ANGPTL5: variants seen among roughly 807,000 people sequenced by gnomAD.
ANGPTL5 encodes the protein angiopoietin like 5, also known as angiopoietin-related protein 5.
A neutral mutation model predicts 39.4 loss-of-function variants in ANGPTL5; 34 were observed. That is an observed-to-expected ratio of 0.86 (90% CI 0.66 to 1.15). The LOEUF is 1.15. ANGPTL5 is among the 50% of genes most tolerant of loss of function. The pLI is 0.00. For synonymous variants in ANGPTL5, 146 were observed against 152.1 expected, an observed-to-expected ratio of 0.96 and a Z score of 0.29; for missense variants, 467 against 457.5, an observed-to-expected ratio of 1.02 and a Z score of -0.19.
rs1421774017 is a variant in ANGPTL5 at position 101,894,963 on chromosome 11, C to A, written c.763G>T (p.Ala255Ser). 1.2e-6 allele frequency: 2 copies of A among 1,612,438 alleles called. No individual in the cohort carries two copies. Among genetic ancestry groups the A allele is most frequent in the Non-Finnish European group, 8.5e-7 (1 of 1,178,682 alleles). The part of the protein sequence containing the change: ...VALESEDDTL[A>S]YASYDNFWLE... The stretch of plus-strand genomic sequence containing the variant: ...CAAAAATTATCATATGATGCATAAG[C>A]AAGAGTGTCATCTTCAGATTCCAAA... Residue 255 changes from alanine (A) to serine (S), a missense_variant, in exon 8 of 9, where the codon GCT becomes TCT. Transcript: ENST00000334289.
chr11:101,896,139 A>G (rs1939787917), intron 7 of ANGPTL5, among the ~76,000 whole-genome samples: 1 of 151,072 alleles, frequency 6.6e-6, no homozygotes, highest in South Asian at 2.1e-4. Flanking sequence ...ACTTAAAAAT[A>G]CATTTTCTGT....
intron 6 of ANGPTL5, among the ~76,000 whole-genome samples, chr11:101,901,104 C>T (rs1334004325): frequency 2.0e-5 from 3 of 149,474 alleles, no homozygotes; most frequent in African/African-American, 7.4e-5. Context: ...GTCTCGATCT[C>T]CTGACCTCGT....
At chr11:101,915,463 C>T (rs780943066) in intron 1 of ANGPTL5, 1 of 1,565,706 alleles carries the variant, frequency 6.4e-7, no homozygotes, top group Non-Finnish European at 8.7e-7. Context: ...AAAACGGGGC[C>T]CATCTTTTTC....
chr11:101,897,590 C>T (rs898194034), intron 7 of ANGPTL5, among the ~76,000 whole-genome samples: 1 of 152,196 alleles, frequency 6.6e-6, no homozygotes, highest in Non-Finnish European at 1.5e-5. Context: ...CCAGTTTTCC[C>T]AGCACCATTT....
intron 2 of ANGPTL5, among the ~76,000 whole-genome samples, chr11:101,907,557 A>G (rs1940020143): frequency 6.6e-6 from 1 of 152,092 alleles, no homozygotes; most frequent in South Asian, 2.1e-4. Context: ...TTTCATTGAA[A>G]AGTTGTGGGC....
chr11:101,909,047 C>T (rs2137064781), intron 1 of ANGPTL5, among the ~76,000 whole-genome samples: 1 of 152,272 alleles, frequency 6.6e-6, no homozygotes, highest in African/African-American at 2.4e-5. Context: ...CCTGCATCTT[C>T]CTTCTGGTTC....
intron 7 of ANGPTL5, among the ~76,000 whole-genome samples, chr11:101,896,885 T>G (rs1939807079): frequency 2.0e-5 from 3 of 152,240 alleles, no homozygotes; most frequent in African/African-American, 7.2e-5. Flanking sequence ...ATGGGATTGC[T>G]GGGTCAAATG....
At chr11:101,907,471 G>A (rs548315295) in intron 2 of ANGPTL5, among the ~76,000 whole-genome samples, 2 of 151,916 alleles carry the variant, frequency 1.3e-5, no homozygotes, top group South Asian at 4.2e-4. Context: ...CCACTCACAG[G>A]ACAATATTTG....
At chr11:101,912,444 C>T (rs1250393735) in intron 1 of ANGPTL5, among the ~76,000 whole-genome samples, 1 of 152,074 alleles carries the variant, frequency 6.6e-6, no homozygotes, top group Non-Finnish European at 1.5e-5. Context: ...AAAGTCATGA[C>T]AAAATCAAGC....
intron 7 of ANGPTL5, among the ~76,000 whole-genome samples, chr11:101,898,773 C>A (rs912162966): frequency 6.6e-6 from 1 of 152,110 alleles, no homozygotes; most frequent in Non-Finnish European, 1.5e-5. Flanking sequence ...ATGATATTGG[C>A]TGTGGGTTTG....
At chr11:101,908,199 G>A (rs1940030669) in intron 1 of ANGPTL5, among the ~76,000 whole-genome samples, 198 bp from the exon 2 acceptor site, 1 of 152,042 alleles carries the variant, frequency 6.6e-6, no homozygotes, top group South Asian at 2.1e-4. Context: ...AGATAAATAA[G>A]TAAATAAATA....
At chr11:101,901,015 C>CTTTTTTTTTTTTTT (rs34425298) in intron 6 of ANGPTL5, among the ~76,000 whole-genome samples, 7 of 98,654 alleles carry the variant, frequency 7.1e-5, no homozygotes, top group Admixed American at 1.1e-4. Context: ...GCACCCCCGG[C>CTTTTTTTTTTTTTT]TTTTTTTTTT....
In ANGPTL5 at chr11:101,903,744, G is replaced by T. The variant is rs549256964; in HGVS notation, c.440-1023C>A. Among the ~76,000 whole-genome samples, 152 of 152,220 alleles carry T rather than the reference G, an allele frequency of 1.0e-3. 4 individuals carry two copies. The South Asian group carries it at 0.031, about 31-fold the overall frequency. On this transcript the variant is annotated intron_variant, in intron 5 of 8. Transcript: ENST00000334289. ...AAGTTCACGCTGAAGGACCGATCTG[G>T]GTTGGAGTGTCTGCTATGTCATTAC... is the stretch of plus-strand genomic sequence containing the variant.
Position 101,891,209 on chromosome 11 carries a change from G to A in ANGPTL5, c.*70C>T. On this transcript the variant is annotated 3_prime_UTR_variant, in exon 9 of 9. Transcript: ENST00000334289. ...GCCTAATATGTTTGAAACACTAAGT[G>A]AAAAGATAAACTTTTAAAAATCTTT... The A allele has an allele frequency of 7.1e-7, 1 of 1,411,742 alleles. No homozygotes were observed. The highest frequency in any genetic ancestry group is 2.0e-5 in the Admixed American group (1 of 49,540). 87.5% of individuals were successfully genotyped at this position (1,411,742 alleles called of 1,614,324 possible).
intron 8 of ANGPTL5, among the ~76,000 whole-genome samples, 172 bp from the exon 9 acceptor site, chr11:101,891,770 G>A (rs1184392776): frequency 6.6e-6 from 1 of 152,078 alleles, no homozygotes; most frequent in Non-Finnish European, 1.5e-5. Context: ...GCCACAATCT[G>A]GTGATGAGTT....
chr11:101,906,181 G>A (rs545844050), intron 3 of ANGPTL5, among the ~76,000 whole-genome samples: 1 of 152,172 alleles, frequency 6.6e-6, no homozygotes, highest in East Asian at 1.9e-4. Flanking sequence ...AGGAGTTATA[G>A]GATTCATCAA....
At chr11:101,905,903 C>A in intron 3 of ANGPTL5, 56 bp from the exon 4 acceptor site, 1 of 1,024,230 alleles carries the variant, frequency 9.8e-7, no homozygotes, top group Non-Finnish European at 1.5e-6. Context: ...AAAACAATTA[C>A]AGTGAAAAAT....
chr11:101,913,061 A>C (rs116614577), intron 1 of ANGPTL5, among the ~76,000 whole-genome samples: 3,125 of 152,326 alleles, frequency 0.021, 97 homozygotes, highest in African/African-American at 0.07. Context: ...TAGTAAAACA[A>C]TCGTAGCTCA....
chr11:101,896,898 A>G (rs1449213833), intron 7 of ANGPTL5, among the ~76,000 whole-genome samples: 1 of 152,190 alleles, frequency 6.6e-6, no homozygotes, highest in African/African-American at 2.4e-5. Context: ...GTCAAATGGT[A>G]TTTCTAGTTC....
Sources: gnomAD v4.1 joint callset for allele counts (sites outside exome capture counted in the v4.1 genomes callset) on GRCh38, gnomAD v4.1.1 for gene constraint, MANE v1.5 for transcripts, NCBI Gene and HGNC (gene_info 2026-07-23, HGNC 2026-07-21) for gene names.